CELF5: variants seen among roughly 807,000 people sequenced by gnomAD.
The protein encoded by CELF5 is CUGBP Elav-like family member 5.
CELF5 carries 6 observed loss-of-function variants against 54.9 expected under a neutral mutation model. The observed-to-expected ratio is 0.11, with a 90% CI of 0.06 to 0.22. The LOEUF is 0.22. Ranked by LOEUF, CELF5 falls within the 10% of genes least tolerant of loss-of-function variation. The pLI is 1.00. For synonymous variants in CELF5, 271 were observed against 290.9 expected, an observed-to-expected ratio of 0.93 and a Z score of 0.70; for missense variants, 401 against 678.6, an observed-to-expected ratio of 0.59 and a Z score of 4.54.
intron 12 of CELF5, chr19:3,294,362 G>C (rs191896454): frequency 6.6e-6 from 1 of 151,782 alleles, no homozygotes; most frequent in African/African-American, 2.4e-5. Context: ...TTTCGCAGCC[G>C]AGCCCAGAAC....
chr19:3,246,785 A>G (rs1332888952), intron 1 of CELF5, among the ~76,000 whole-genome samples: 1 of 152,202 alleles, frequency 6.6e-6, no homozygotes, highest in Non-Finnish European at 1.5e-5. Flanking sequence ...CAAACATCCC[A>G]ATGCCCACCC....
chr19:3,284,985 C>G (rs755708586), intron 9 of CELF5, 21 bp downstream of exon 9: 2 of 1,591,896 alleles, frequency 1.3e-6, no homozygotes, highest in South Asian at 2.3e-5. Context: ...GCCCGCGTGC[C>G]CGCGCTGGGC....
intron 2 of CELF5, among the ~76,000 whole-genome samples, chr19:3,258,494 G>A (rs1257315395): frequency 6.6e-6 from 1 of 152,084 alleles, no homozygotes; most frequent in Admixed American, 6.6e-5. Flanking sequence ...CTACATCCAG[G>A]ATAATTTTAT....
At chr19:3,296,117 TG>T (rs142066427) in intron 12 of CELF5, 18,262 of 148,302 alleles carry the variant, frequency 0.12, 1,212 homozygotes, top group Middle Eastern at 0.22. Context: ...AAGAAAAAGA[TG>T]GGGGGAAAAA....
chr19:3,286,317 G>C, intron 10 of CELF5: 2 of 412,542 alleles, frequency 4.8e-6, no homozygotes, highest in Non-Finnish European at 8.6e-6. Context: ...TTTTGGAAAG[G>C]AAACCCTTTT....
chr19:3,288,202 T>G (rs1309125075), intron 10 of CELF5, among the ~76,000 whole-genome samples: 2 of 152,116 alleles, frequency 1.3e-5, no homozygotes, highest in East Asian at 3.9e-4. Flanking sequence ...AATTGTTCAG[T>G]TACATTGGAA....
chr19:3,230,841 T>G (rs1917219948), intron 1 of CELF5, among the ~76,000 whole-genome samples: 1 of 152,170 alleles, frequency 6.6e-6, no homozygotes, highest in Non-Finnish European at 1.5e-5. Context: ...GAAGCAGATG[T>G]GTGTTCCGAT....
intron 2 of CELF5, among the ~76,000 whole-genome samples, chr19:3,261,449 C>T (rs1002511627): frequency 2.0e-5 from 3 of 151,698 alleles, no homozygotes; most frequent in African/African-American, 7.3e-5. Flanking sequence ...ATGTCCAAAT[C>T]TGTGAGAGAA....
At chr19:3,293,810 G>C (rs1304996038) in intron 12 of CELF5, 3 of 226,970 alleles carry the variant, frequency 1.3e-5, no homozygotes, top group Non-Finnish European at 2.7e-5. Context: ...TGCTCTGGGG[G>C]TGGGGGTGCG....
rs1406022191 is a variant in CELF5 at position 3,284,472 on chromosome 19, A to C, written c.1040-430A>C. On this transcript the variant is annotated intron_variant, in intron 8 of 12. Coordinates refer to ENST00000292672, the MANE Select transcript of CELF5 (RefSeq NM_021938.4). The stretch of plus-strand genomic sequence containing the variant: ...GCGGTAGCAGGAAGGCTACAGCTAG[A>C]TGGGGGAGCTACAGGGTGTCTGATG... Among the ~76,000 whole-genome samples, 3 of 152,032 alleles carry C rather than the reference A, an allele frequency of 2.0e-5. No homozygotes were observed. In the East Asian group the frequency reaches 5.8e-4, roughly 29 times the overall value.
intron 8 of CELF5, among the ~76,000 whole-genome samples, chr19:3,284,180 C>CGTGTGTGT (rs760701712): frequency 1.3e-5 from 2 of 150,710 alleles, no homozygotes; most frequent in Non-Finnish European, 3.0e-5. Flanking sequence ...ACTCTGTGCA[C>CGTGTGTGT]GTGTGTGTGT....
intron 1 of CELF5, 101 bp from the exon 2 acceptor site, chr19:3,250,884 G>GTCGTATCATTCAAA: frequency 3.4e-6 from 2 of 583,600 alleles, no homozygotes; most frequent in South Asian, 2.9e-5. Context: ...TCTGTGGATG[G>GTCGTATCATTCAAA]AAGCTTGGGT....
intron 1 of CELF5, among the ~76,000 whole-genome samples, chr19:3,232,951 G>A (rs1917338332): frequency 6.6e-6 from 1 of 152,050 alleles, no homozygotes; most frequent in African/African-American, 2.4e-5. Context: ...GTGCATGTCT[G>A]TAATCCCAGC....
At chr19:3,256,837 G>A (rs2079734495) in intron 2 of CELF5, among the ~76,000 whole-genome samples, 2 of 150,882 alleles carry the variant, frequency 1.3e-5, no homozygotes, top group African/African-American at 4.9e-5. Flanking sequence ...TAAAGTGCTG[G>A]GATTACAGGC....
chr19:3,286,191 G>A (rs2080245973), intron 10 of CELF5, 166 bp downstream of exon 10: 1 of 540,188 alleles, frequency 1.9e-6, no homozygotes, highest in South Asian at 2.6e-5. Context: ...CTGACCCCTG[G>A]GAATCTCCCT....
At chr19:3,263,778 A>G (rs1052092239) in intron 2 of CELF5, among the ~76,000 whole-genome samples, 59 of 146,094 alleles carry the variant, frequency 4.0e-4, no homozygotes, top group Admixed American at 1.2e-3. Flanking sequence ...GGTGGTGGGC[A>G]CCTGTGATTC....
intron 9 of CELF5, among the ~76,000 whole-genome samples, chr19:3,285,425 C>T (rs1296539844): frequency 2.0e-5 from 3 of 151,012 alleles, no homozygotes; most frequent in South Asian, 2.1e-4. Context: ...TAAGGCCTGG[C>T]TGTGACCCCG....
intron 1 of CELF5, among the ~76,000 whole-genome samples, chr19:3,238,748 A>G (rs2079450917): frequency 1.3e-5 from 2 of 152,158 alleles, no homozygotes; most frequent in Admixed American, 1.3e-4. Flanking sequence ...CCTGGCCAAC[A>G]TGACGAAACC....
At chr19:3,241,706 G>T (rs2079493564) in intron 1 of CELF5, among the ~76,000 whole-genome samples, 1 of 152,128 alleles carries the variant, frequency 6.6e-6, no homozygotes, top group African/African-American at 2.4e-5. Flanking sequence ...TCTCACAGTT[G>T]AAATGGGATC....
Sources: allele counts gnomAD v4.1 joint callset (sites outside exome capture counted in the v4.1 genomes callset), GRCh38; gene constraint gnomAD v4.1.1; transcripts MANE v1.5; gene names NCBI Gene and HGNC (gene_info 2026-07-23, HGNC 2026-07-21).